The following KLHL29 variants were observed in gnomAD, a reference collection of about 807,000 sequenced individuals.
The protein encoded by KLHL29 is kelch like family member 29, also known as kelch-like protein 29.
KLHL29 carries 21 observed loss-of-function variants against 80.4 expected under a neutral mutation model. The observed-to-expected ratio is 0.26, with a 90% confidence interval of 0.19 to 0.38. The LOEUF (loss-of-function observed/expected upper bound fraction) is 0.38. Ranked by LOEUF, KLHL29 falls within the 10% of genes least tolerant of loss-of-function variation. KLHL29 has a pLI of 1.00. For synonymous variants in KLHL29, 511 were observed against 526.8 expected (o/e 0.97, Z 0.41); for missense variants, 867 against 1,223.9 (o/e 0.71, Z 4.35).
intron 1 of KLHL29, among the ~76,000 whole-genome samples, chr2:23,421,557 T>A (rs1040080214): frequency 1.0e-4 from 14 of 138,388 alleles, no homozygotes; most frequent in African/African-American, 4.2e-4. Context: ...TGTGTGTGTG[T>A]GTGTGTGTCT....
At chr2:23,498,665 T>C (rs993020725) in intron 2 of KLHL29, among the ~76,000 whole-genome samples, 4 of 152,260 alleles carry the variant, frequency 2.6e-5, no homozygotes, top group Admixed American at 2.0e-4. Context: ...TCTGCAGTAA[T>C]GCAGATGTCC....
intron 2 of KLHL29, among the ~76,000 whole-genome samples, chr2:23,525,734 CCCCCA>C (rs201754984): frequency 0.24 from 10,996 of 45,836 alleles, 742 homozygotes; most frequent in African/African-American, 0.29. Flanking sequence ...CTGCCCCCCC[CCCCCA>C]CCCGAGGCGA....
At chr2:23,497,232 G>C (rs567736537) in intron 2 of KLHL29, among the ~76,000 whole-genome samples, 1 of 152,276 alleles carries the variant, frequency 6.6e-6, no homozygotes, top group Non-Finnish European at 1.5e-5. Context: ...AAAACGGGAT[G>C]AAAGTAAGTG....
chr2:23,693,574 C>T (rs970951119), intron 8 of KLHL29, 46 bp downstream of exon 8: 1 of 1,526,178 alleles, frequency 6.6e-7, no homozygotes, highest in Non-Finnish European at 8.9e-7. Context: ...GGTTTGGGGT[C>T]CCCCTGCGGC....
chr2:23,407,788 C>T (rs1025516495), intron 1 of KLHL29, among the ~76,000 whole-genome samples: 25 of 152,156 alleles, frequency 1.6e-4, no homozygotes, highest in African/African-American at 5.8e-4. Context: ...AAAATATGAT[C>T]GGAATTTAAC....
intron 2 of KLHL29, among the ~76,000 whole-genome samples, chr2:23,505,466 C>T (rs6754186): frequency 8.9e-4 from 136 of 152,350 alleles, no homozygotes; most frequent in Middle Eastern, 3.4e-3. Flanking sequence ...TGCCGCTTCT[C>T]CCCTCTGTTC....
chr2:23,561,122 A>G (rs1189711795), intron 2 of KLHL29, among the ~76,000 whole-genome samples: 1 of 152,018 alleles, frequency 6.6e-6, no homozygotes, highest in Non-Finnish European at 1.5e-5. Flanking sequence ...GCAGACCCCT[A>G]CCCTAACCCA....
chr2:23,463,805 A>G (rs971040161), intron 1 of KLHL29, among the ~76,000 whole-genome samples: 4 of 152,158 alleles, frequency 2.6e-5, no homozygotes, highest in African/African-American at 9.7e-5. Flanking sequence ...TCACAAAAAG[A>G]AAGAGTAATA....
intron 6 of KLHL29, chr2:23,691,397 C>A: frequency 1.6e-5 from 8 of 498,006 alleles, no homozygotes; most frequent in Non-Finnish European, 7.3e-6. Flanking sequence ...TGGTCCTCGT[C>A]CCCATCCATA....
At chr2:23,675,951 A>G (rs1173020501) in intron 5 of KLHL29, among the ~76,000 whole-genome samples, 1 of 152,158 alleles carries the variant, frequency 6.6e-6, no homozygotes, top group African/African-American at 2.4e-5. Context: ...ATGAATTCCA[A>G]TCAGAAGGGA....
intron 1 of KLHL29, among the ~76,000 whole-genome samples, chr2:23,472,371 G>C (rs528480687): frequency 1.7e-4 from 26 of 152,036 alleles, no homozygotes; most frequent in African/African-American, 7.2e-5. Flanking sequence ...AGGATGTCAC[G>C]GGTTCTCTAG....
At chr2:23,538,514 C>T (rs1666744908) in intron 2 of KLHL29, among the ~76,000 whole-genome samples, 1 of 152,258 alleles carries the variant, frequency 6.6e-6, no homozygotes, top group African/African-American at 2.4e-5. Context: ...CCCAGCCTCT[C>T]TCTGCCATAC....
chr2:23,416,405 C>G (rs1339141111), intron 1 of KLHL29, among the ~76,000 whole-genome samples: 1 of 152,162 alleles, frequency 6.6e-6, no homozygotes, highest in Non-Finnish European at 1.5e-5. Flanking sequence ...CAGGTCCATG[C>G]CTCAGTTTCT....
intron 2 of KLHL29, among the ~76,000 whole-genome samples, chr2:23,504,729 G>A (rs1665550679): frequency 1.3e-5 from 2 of 152,214 alleles, no homozygotes; most frequent in African/African-American, 4.8e-5. Flanking sequence ...GTAATTCTGG[G>A]CCTCTGGGGC....
chr2:23,446,068 AT>A (rs1663665832), intron 1 of KLHL29, among the ~76,000 whole-genome samples: 1 of 151,572 alleles, frequency 6.6e-6, no homozygotes, highest in African/African-American at 2.4e-5. Flanking sequence ...TTTTATTTTT[AT>A]TTTATCAGTC....
At chr2:23,461,976 A>ATAT (rs536308359) in intron 1 of KLHL29, among the ~76,000 whole-genome samples, 1 of 141,256 alleles carries the variant, frequency 7.1e-6, no homozygotes, top group East Asian at 2.1e-4. Flanking sequence ...GGTTTTTGCC[A>ATAT]TTTTTTTTTT....
chr2:23,443,339 A>G (rs555346982), intron 1 of KLHL29, among the ~76,000 whole-genome samples: 15 of 152,348 alleles, frequency 9.8e-5, no homozygotes, highest in South Asian at 2.1e-4. Context: ...ACCTAATAAG[A>G]TAAAAAATTC....
rs111720498 is a variant in KLHL29, at chr2:23,442,953, C to T, written c.-153-32607C>T. Among the ~76,000 whole-genome samples the T allele has an allele frequency of 6.8e-3, 1,037 of 152,170 alleles. 7 individuals are homozygous for T. Among genetic ancestry groups the T allele is most frequent in the African/African-American group, 0.019 (783 of 41,508 alleles). On this transcript the variant is annotated intron_variant, in intron 1 of 13. Transcript: ENST00000486442. ...AGTCTTTCTGTTCAAGGTGGATGTT[C>T]CATTATCTATGCTTCCCACTGGTTC...
chr2:23,607,774 C>T (rs541987668), intron 3 of KLHL29, among the ~76,000 whole-genome samples: 16 of 152,254 alleles, frequency 1.1e-4, no homozygotes, highest in African/African-American at 9.6e-5. Flanking sequence ...ATCTAATACC[C>T]GATGATCTGA....
Sources: gnomAD v4.1 joint callset for allele counts (sites outside exome capture counted in the v4.1 genomes callset) on GRCh38, gnomAD v4.1.1 for gene constraint, MANE v1.5 for transcripts, NCBI Gene and HGNC (gene_info 2026-07-23, HGNC 2026-07-21) for gene names.